Variants in ABCF3 observed in about 807,000 individuals in gnomAD.
ABCF3 encodes ATP-binding cassette sub-family F member 3.
In ABCF3, 62 loss-of-function variants were observed where a neutral mutation model predicts 94.3. The observed-to-expected ratio is 0.66, with a 90% CI of 0.54 to 0.81. The LOEUF (loss-of-function observed/expected upper bound fraction) is 0.81, where lower values mean the gene tolerates loss of function less well. Ranked by LOEUF, ABCF3 falls within the 40% of genes least tolerant of loss-of-function variation. The pLI, the probability that ABCF3 is intolerant of heterozygous loss-of-function variation, is 0.00. For synonymous variants in ABCF3, 355 were observed against 361.1 expected, an observed-to-expected ratio of 0.98 and a Z score of 0.19; for missense variants, 843 against 925.3, an observed-to-expected ratio of 0.91 and a Z score of 1.15.
chr3:184,189,860 C>T lies in ABCF3; in HGVS notation c.1320C>T (p.Phe440=), dbSNP rs1310291164. The change falls in exon 14 of 21, where the codon TTC becomes TTT. Residue 440 remains phenylalanine (F), a synonymous_variant. Coordinates refer to ENST00000429586, the MANE Select transcript of ABCF3 (RefSeq NM_018358.3). Reference sequence around the variant, plus strand: ...CTACACTCCTCCACCTGCAGGTTTTCATTGACCGGTTTCGCTACAATGCCA... The same window carrying T: ...CTACACTCCTCCACCTGCAGGTTTTTATTGACCGGTTTCGCTACAATGCCA... ...QQQYRQHIQV[F]IDRFRYNANR... The T allele has an allele frequency of 6.2e-7, 1 of 1,614,222 alleles. No individual in the cohort carries two copies. Among genetic ancestry groups the T allele is most frequent in the Non-Finnish European group, 8.5e-7 (1 of 1,180,038 alleles).
In ABCF3 at chr3:184,188,145, C is replaced by T; in HGVS notation, c.574C>T (p.Leu192=). The T allele has an allele frequency of 6.2e-7, 1 of 1,613,808 alleles. No homozygotes were observed. Among genetic ancestry groups the T allele is most frequent in the Non-Finnish European group, 8.5e-7 (1 of 1,179,850 alleles). ...NFDVSFGDRV[L]LAGADVNLAW... is the part of the protein sequence containing the mutation. ...CTCCTTTCTCCACTCCTGCAGAGTACTGCTGGCTGGAGCGGATGTGAACCT... is the reference window on the plus strand; with the variant it reads ...CTCCTTTCTCCACTCCTGCAGAGTATTGCTGGCTGGAGCGGATGTGAACCT... The change falls in exon 7 of 21, where the codon CTG becomes TTG. Residue 192 remains leucine, a synonymous_variant. Transcript: ENST00000429586.
chr3:184,191,241 T>A lies in ABCF3; in HGVS notation c.1555T>A (p.Ser519Thr), dbSNP rs1458399592. The change falls in exon 16 of 21, where the codon TCT (serine) becomes ACT (threonine). Residue 519 changes from serine (S) to threonine (T), a missense_variant. Ser to Thr is a moderately conservative substitution (Grantham distance 58, BLOSUM62 1). Transcript: ENST00000429586. Reference sequence around the variant, plus strand: ...CCTCTCTGTGTCTGCTGATCTCGAGTCTCGCATCTGTGTGGTAAGGCTGCT... The same window carrying A: ...CCTCTCTGTGTCTGCTGATCTCGAGACTCGCATCTGTGTGGTAAGGCTGCT... ...SRLSVSADLESRICVVGENGA... is the reference protein window; with the variant it reads ...SRLSVSADLETRICVVGENGA... 7 of 1,614,018 alleles carry A rather than the reference T, an allele frequency of 4.3e-6. No homozygotes were observed. Among genetic ancestry groups the A allele is most frequent in the Non-Finnish European group, 5.9e-6 (7 of 1,180,034 alleles).
Position 184,189,614 on chromosome 3 carries a change from G to T in ABCF3, c.1171G>T (p.Ala391Ser). Residue 391 changes from alanine to serine, a missense_variant, in exon 13 of 21, where the codon GCC becomes TCC. By Grantham distance (99) the Ala-to-Ser change is moderately conservative (BLOSUM62 1). Transcript: ENST00000429586. The part of the protein sequence containing the change: ...SHDRNFLNAI[A>S]TDIIHLHSQR... Reference sequence around the variant, plus strand: ...CGACCGCAACTTCTTGAATGCCATCGCCACAGACATCATCCACCTGCACAG... The same window carrying T: ...CGACCGCAACTTCTTGAATGCCATCTCCACAGACATCATCCACCTGCACAG... The T allele has an allele frequency of 1.9e-6, 3 of 1,614,172 alleles. No homozygotes were observed. The highest frequency in any genetic ancestry group is 2.5e-6 in the Non-Finnish European group (3 of 1,180,042).
rs1212111256 is a variant in ABCF3, at chr3:184,189,929, G to C, written c.1389G>C (p.Lys463Asn). ...AGAGTAAACTCAAGATGCTGGAGAA[G>C]CTGTGAGTACAGCATCCTTGGCCAG... ...QVQSKLKMLE[K>N]LPELKPVDKE... Residue 463 changes from lysine to asparagine, a missense_variant and splice_region_variant, in exon 14 of 21, where the codon AAG becomes AAC. Lys to Asn is a moderately conservative substitution (Grantham distance 94, BLOSUM62 0). Transcript: ENST00000429586. 9.9e-6 allele frequency: 16 copies of C among 1,614,084 alleles called. No homozygotes were observed. The highest frequency in any genetic ancestry group is 1.7e-5 in the Admixed American group (1 of 60,016).
rs747330579 is a variant in ABCF3, at chr3:184,192,597, T to G, written c.1570-4T>G. On this transcript the variant is annotated splice_polypyrimidine_tract_variant and splice_region_variant and intron_variant, in intron 16 of 20. Transcript: ENST00000429586. ...CACTGTATGACATTTTCATGTTTCT[T>G]AAGGTTGGAGAGAATGGGGCTGGGA... 3 of 1,607,800 alleles carry G rather than the reference T, an allele frequency of 1.9e-6. No individual in the cohort carries two copies. The highest frequency in any genetic ancestry group is 2.5e-6 in the Non-Finnish European group (3 of 1,178,528).
chr3:184,187,276 C>G, intron 3 of ABCF3, 121 bp from the exon 4 acceptor site: 1 of 1,062,776 alleles, frequency 9.4e-7, no homozygotes, highest in South Asian at 1.3e-5. Context: ...AGCCATCTAT[C>G]TGCAGTATTA....
chr3:184,187,999 T>G lies in ABCF3; in HGVS notation c.569+16T>G. The stretch of plus-strand genomic sequence containing the variant: ...TTGGCGATAGGTGAGGGAATAGTGG[T>G]GGCAGGGGTTGGCTTTCTTTTTCTA... On this transcript the variant is annotated intron_variant, in intron 6 of 20. Transcript: ENST00000429586. 1 of 1,613,772 alleles carries G rather than the reference T, an allele frequency of 6.2e-7. No individual in the cohort carries two copies.
At chr3:184,186,345 G>T in intron 1 of ABCF3, 65 bp downstream of exon 1, 1 of 1,608,976 alleles carries the variant, frequency 6.2e-7, no homozygotes, top group Non-Finnish European at 8.5e-7. Flanking sequence ...GTCTAAGCGA[G>T]CGTCGTGCCC....
chr3:184,189,351 C>T, intron 11 of ABCF3, 37 bp from the exon 12 acceptor site: 1 of 1,614,164 alleles, frequency 6.2e-7, no homozygotes, highest in Non-Finnish European at 8.5e-7. Context: ...GTTCTCCAGC[C>T]CTTCAATCCC....
chr3:184,192,041 C>A (rs189616662), intron 16 of ABCF3, among the ~76,000 whole-genome samples: 5 of 152,060 alleles, frequency 3.3e-5, no homozygotes, highest in Non-Finnish European at 1.5e-5. Context: ...CCACCGTGCC[C>A]GGCTAGAGTC....
chr3:184,188,024 A>AAT, intron 6 of ABCF3, 41 bp downstream of exon 6: 2 of 1,613,466 alleles, frequency 1.2e-6, no homozygotes, highest in Non-Finnish European at 8.5e-7. Flanking sequence ...TTCTTTTTCT[A>AAT]ATTAGAGGAC....
chr3:184,186,507 G>C lies in ABCF3; in HGVS notation c.74G>C (p.Gly25Ala). 6.2e-7 allele frequency: 1 copy of C among 1,609,586 alleles called. No individual in the cohort carries two copies. Among genetic ancestry groups the C allele is most frequent in the Non-Finnish European group, 8.5e-7 (1 of 1,177,516 alleles). The change falls in exon 2 of 21, where the codon GGC (glycine) becomes GCC (alanine). Residue 25 changes from glycine to alanine, a missense_variant and splice_region_variant. Transcript: ENST00000429586. Reference sequence around the variant, plus strand: ...CCTCGTTCTACCACGCCCTGCCCAGGCGTCTTGCACAGCGGCAGCGCGGAC... The same window carrying C: ...CCTCGTTCTACCACGCCCTGCCCAGCCGTCTTGCACAGCGGCAGCGCGGAC... ...IDGQVFDYVT[G>A]VLHSGSADFE...
intron 4 of ABCF3, 40 bp from the exon 5 acceptor site, chr3:184,187,624 C>G (rs1420000936): frequency 1.2e-6 from 2 of 1,609,852 alleles, no homozygotes; most frequent in East Asian, 2.2e-5. Context: ...CCTTTCTGAG[C>G]CTACACCCGA....
intron 2 of ABCF3, 47 bp from the exon 3 acceptor site, chr3:184,186,749 T>G: frequency 6.2e-7 from 1 of 1,600,584 alleles, no homozygotes; most frequent in Non-Finnish European, 8.5e-7. Flanking sequence ...GCCATAGAGC[T>G]TTTCCCTCAA....
Position 184,186,848 on chromosome 3 carries a change from C to A in ABCF3, c.274C>A (p.Gln92Lys). The change falls in exon 3 of 21, where the codon CAG (glutamine) becomes AAG (lysine). Residue 92 changes from glutamine to lysine, a missense_variant. Gln to Lys is a moderately conservative substitution (Grantham distance 53). Coordinates refer to ENST00000429586, the MANE Select transcript of ABCF3 (RefSeq NM_018358.3). ...NSQVLLDAPI[Q>K]LSKITENYDC... ...CCAGGTGCTACTGGACGCCCCTATC[C>A]AGTTGTCAAAGATAACGGAGAACTA... is the stretch of plus-strand genomic sequence containing the variant. The A allele has an allele frequency of 6.2e-7, 1 of 1,613,880 alleles. No homozygotes were observed. Among genetic ancestry groups the A allele is most frequent in the South Asian group, 1.1e-5 (1 of 91,004 alleles).
chr3:184,191,840 C>T (rs567135209), intron 16 of ABCF3, among the ~76,000 whole-genome samples: 17 of 151,526 alleles, frequency 1.1e-4, no homozygotes, highest in East Asian at 5.8e-4. Flanking sequence ...TTTCGCCTCC[C>T]GGGTTCAAAC....
In ABCF3 at chr3:184,187,672, T is replaced by C; in HGVS notation, c.357T>C (p.Asn119=). ...LLKREQSSTV[N]AKKLEKAEAR... ...TGTGTTTGGACCCTTAGACAGTGAA[T>C]GCAAAGAAGTTAGAGAAGGCCGAGG... The change falls in exon 5 of 21, where the codon AAT becomes AAC. Residue 119 remains asparagine (N), a synonymous_variant. Transcript: ENST00000429586. The C allele has an allele frequency of 1.2e-6, 2 of 1,614,126 alleles. No homozygotes were observed. Among genetic ancestry groups the C allele is most frequent in the Non-Finnish European group, 1.7e-6 (2 of 1,180,018 alleles).
At chr3:184,190,447 T>C (rs1410452051) in intron 14 of ABCF3, 3 of 172,562 alleles carry the variant, frequency 1.7e-5, no homozygotes, top group African/African-American at 7.2e-5. Flanking sequence ...CTTGGGTGTA[T>C]ACCTAGGCGC....
chr3:184,188,124 T>C lies in ABCF3; in HGVS notation c.570-17T>C. 1 of 1,611,668 alleles carries C rather than the reference T, an allele frequency of 6.2e-7. No individual in the cohort carries two copies. Among genetic ancestry groups the C allele is most frequent in the Non-Finnish European group, 8.5e-7 (1 of 1,178,090 alleles). ...TATTTCTAGAGCATCTTTGGTCTCC[T>C]TTCTCCACTCCTGCAGAGTACTGCT... On this transcript the variant is annotated splice_polypyrimidine_tract_variant and intron_variant, in intron 6 of 20. Coordinates refer to ENST00000429586, the MANE Select transcript of ABCF3 (RefSeq NM_018358.3).
Sources: gnomAD v4.1 joint callset for allele counts (sites outside exome capture counted in the v4.1 genomes callset) on GRCh38, gnomAD v4.1.1 for gene constraint, MANE v1.5 for transcripts, NCBI Gene and HGNC (gene_info 2026-07-23, HGNC 2026-07-21) for gene names.